Variants in CEP350 observed in about 807,000 individuals in gnomAD.
The protein encoded by CEP350 is centrosome-associated protein 350.
A neutral mutation model predicts 331.8 loss-of-function variants in CEP350; 126 were observed. The observed-to-expected ratio is 0.38, with a 90% CI of 0.33 to 0.44. The LOEUF (loss-of-function observed/expected upper bound fraction) is 0.44, where lower values mean the gene tolerates loss of function less well. Among genes scored for constraint, CEP350 ranks in the 20% least tolerant of loss-of-function variants. The pLI is 1.00. For missense variants in CEP350, 3,406 were observed against 3,634.6 expected, an observed-to-expected ratio of 0.94 and a Z score of 1.62; for synonymous variants, 1,200 against 1,259.5, an observed-to-expected ratio of 0.95 and a Z score of 1.00.
chr1:180,024,717 C>A, intron 14 of CEP350, 135 bp downstream of exon 14: 3 of 1,001,772 alleles, frequency 3.0e-6, no homozygotes, highest in Non-Finnish European at 4.1e-6. Context: ...ATTTATTTAT[C>A]ATTATAATAA....
chr1:180,032,114 T>C (rs560504344), intron 15 of CEP350, among the ~76,000 whole-genome samples: 16 of 152,244 alleles, frequency 1.1e-4, no homozygotes, highest in South Asian at 6.2e-4. Context: ...TAATATTGTA[T>C]ACGATGCACT....
At chr1:179,959,985 T>C (rs1467956284) in intron 1 of CEP350, among the ~76,000 whole-genome samples, 1 of 152,114 alleles carries the variant, frequency 6.6e-6, no homozygotes, top group East Asian at 1.9e-4. Flanking sequence ...AACTGCAACT[T>C]CTAAGACCCC....
At chr1:180,049,760 T>C (rs1657365580) in intron 22 of CEP350, among the ~76,000 whole-genome samples, 1 of 152,178 alleles carries the variant, frequency 6.6e-6, no homozygotes, top group African/African-American at 2.4e-5. Flanking sequence ...GTCAGGCTGA[T>C]CTCGAACTCC....
chr1:180,053,078 G>T lies in CEP350; in HGVS notation c.4901G>T (p.Arg1634Leu), dbSNP rs1374842060. 1.9e-6 allele frequency: 3 copies of T among 1,603,184 alleles called. No individual in the cohort carries two copies. The Admixed American group carries it at 5.0e-5, about 27-fold the overall frequency. ...FRSLLPSESH[R>L]RFNMEKRRGH... ...TCATTACTACCTTCAGAGAGTCACC[G>T]CAGATTTAACATGGAAAAGAGAAGA... Residue 1634 changes from arginine (R) to leucine (L), a missense_variant, in exon 23 of 38, where the codon CGC (arginine) becomes CTC (leucine). By Grantham distance (102) the Arg-to-Leu change is moderately radical. This residue lies in a region of CEP350 where 104 missense variants were observed against 143.3 expected (regional missense o/e 0.73). Transcript: ENST00000367607.
chr1:180,035,870 T>C (rs1163399898), intron 16 of CEP350, among the ~76,000 whole-genome samples: 1 of 152,190 alleles, frequency 6.6e-6, no homozygotes, highest in Non-Finnish European at 1.5e-5. Context: ...TCTTATTATT[T>C]AAGAAATGCA....
At chr1:180,032,071 A>G (rs1222478314) in intron 15 of CEP350, among the ~76,000 whole-genome samples, 1 of 152,106 alleles carries the variant, frequency 6.6e-6, no homozygotes, top group African/African-American at 2.4e-5. Flanking sequence ...CTTACTGATT[A>G]TGGAGCTTGC....
At chr1:180,104,629 T>C (rs1384058340) in intron 37 of CEP350, among the ~76,000 whole-genome samples, 1 of 152,132 alleles carries the variant, frequency 6.6e-6, no homozygotes, top group Non-Finnish European at 1.5e-5. Flanking sequence ...TTTGGGTGAG[T>C]TCTCTCACCT....
chr1:180,006,908 C>T (rs1654299396), intron 8 of CEP350, among the ~76,000 whole-genome samples: 1 of 152,146 alleles, frequency 6.6e-6, no homozygotes, highest in African/African-American at 2.4e-5. Flanking sequence ...TGGTTTCCAG[C>T]TTCATCCATT....
At chr1:180,106,723 C>A (rs1023783173) in intron 37 of CEP350, among the ~76,000 whole-genome samples, 1 of 152,048 alleles carries the variant, frequency 6.6e-6, no homozygotes, top group Non-Finnish European at 1.5e-5. Flanking sequence ...TGCATCACCG[C>A]GACCAGCCTC....
intron 20 of CEP350, 52 bp downstream of exon 20, chr1:180,043,244 A>G: frequency 6.5e-7 from 1 of 1,534,028 alleles, no homozygotes. Context: ...TTAGGTTAAT[A>G]TTCATTCAGC....
chr1:179,974,181 G>A (rs1651673222), intron 1 of CEP350, among the ~76,000 whole-genome samples: 1 of 152,010 alleles, frequency 6.6e-6, no homozygotes, highest in Non-Finnish European at 1.5e-5. Flanking sequence ...TCGGGTTCAT[G>A]CCATTCTCCT....
intron 14 of CEP350, among the ~76,000 whole-genome samples, chr1:180,028,494 A>G (rs1424190611): frequency 1.3e-5 from 2 of 152,158 alleles, no homozygotes; most frequent in Non-Finnish European, 2.9e-5. Flanking sequence ...ACAATTTTGA[A>G]ATATCATGAT....
At chr1:180,037,877 C>T (rs1384507228) in intron 17 of CEP350, among the ~76,000 whole-genome samples, 1 of 152,114 alleles carries the variant, frequency 6.6e-6, no homozygotes, top group Non-Finnish European at 1.5e-5. Flanking sequence ...TCTCAATCTC[C>T]TGACCTCGTG....
intron 5 of CEP350, among the ~76,000 whole-genome samples, chr1:179,996,159 G>T (rs891171919): frequency 6.6e-6 from 1 of 152,062 alleles, no homozygotes; most frequent in South Asian, 2.1e-4. Context: ...GATAGAGGGG[G>T]TATTGAGCCT....
intron 10 of CEP350, among the ~76,000 whole-genome samples, chr1:180,014,744 A>G (rs1370606433): frequency 6.6e-6 from 1 of 152,186 alleles, no homozygotes; most frequent in African/African-American, 2.4e-5. Flanking sequence ...CATCATTGCT[A>G]TTAGTTACAT....
At chr1:180,038,157 A>G (rs955838351) in intron 17 of CEP350, among the ~76,000 whole-genome samples, 1 of 152,156 alleles carries the variant, frequency 6.6e-6, no homozygotes, top group African/African-American at 2.4e-5. Context: ...GTGTACTTTG[A>G]ACTCTGTGTT....
chr1:179,988,313 A>T (rs975405994), intron 3 of CEP350, among the ~76,000 whole-genome samples: 10 of 151,972 alleles, frequency 6.6e-5, no homozygotes, highest in South Asian at 2.1e-4. Flanking sequence ...AAAAAAAAAA[A>T]ATTTAAAACA....
At chr1:180,009,326 A>T (rs1167549574) in intron 8 of CEP350, among the ~76,000 whole-genome samples, 1 of 152,206 alleles carries the variant, frequency 6.6e-6, no homozygotes, top group Admixed American at 6.5e-5. Context: ...ACATTTTTAA[A>T]AAGTATTGTG....
In CEP350 at chr1:179,985,620, T is replaced by TA. The variant is rs565986335; in HGVS notation, c.-13-548dup. On this transcript the variant is annotated intron_variant, in intron 1 of 37. Coordinates refer to ENST00000367607, the MANE Select transcript of CEP350 (RefSeq NM_014810.5). ...ATGGCTGGGGAGGCCTCAGGAAACT[T>TA]ACAATCATGGCAGAAGGCACCTACC... Among the ~76,000 whole-genome samples the TA allele has an allele frequency of 1.7e-4, 26 of 152,248 alleles. No homozygotes were observed. In the South Asian group the frequency reaches 2.1e-3, roughly 12 times the overall value.
Sources: gnomAD v4.1 joint callset for allele counts (sites outside exome capture counted in the v4.1 genomes callset) on GRCh38, gnomAD v4.1.1 for gene constraint, gnomAD v4.1.1 regional missense constraint, MANE v1.5 for transcripts, NCBI Gene and HGNC (gene_info 2026-07-23, HGNC 2026-07-21) for gene names.